Variants in ARID2 observed in about 807,000 individuals in gnomAD.
The protein encoded by ARID2 is AT-rich interaction domain 2.
In ARID2, 32 loss-of-function variants were observed where a neutral mutation model predicts 184.6. The observed-to-expected ratio is 0.17, with a 90% CI of 0.13 to 0.23. The LOEUF is 0.23. Among genes scored for constraint, ARID2 ranks in the 10% least tolerant of loss-of-function variants. The probability of loss-of-function intolerance (pLI) is 1.00; values close to 1 mark genes in which losing one functional copy is unlikely to be tolerated. For synonymous variants in ARID2, 836 were observed against 772.6 expected (o/e 1.08, Z -1.36); for missense variants, 1,696 against 2,197.6 (o/e 0.77, Z 4.56).
chr12:45,760,820 T>C (rs1417881339), intron 3 of ARID2, among the ~76,000 whole-genome samples: 1 of 152,076 alleles, frequency 6.6e-6, no homozygotes, highest in Non-Finnish European at 1.5e-5. Flanking sequence ...GATCCTGGTT[T>C]TATTTATTTA....
intron 16 of ARID2, among the ~76,000 whole-genome samples, chr12:45,890,456 A>G (rs1944283107): frequency 6.6e-6 from 1 of 152,212 alleles, no homozygotes; most frequent in African/African-American, 2.4e-5. Context: ...AATAGTATTT[A>G]GGTAATGTCT....
chr12:45,801,416 A>C (rs928820825), intron 3 of ARID2, among the ~76,000 whole-genome samples: 3 of 152,208 alleles, frequency 2.0e-5, no homozygotes, highest in Non-Finnish European at 4.4e-5. Context: ...TTGAAAAGGA[A>C]CAGGATATTT....
intron 3 of ARID2, among the ~76,000 whole-genome samples, chr12:45,744,385 C>CT (rs564561600): frequency 1.8e-3 from 276 of 151,694 alleles, no homozygotes; most frequent in Non-Finnish European, 2.1e-3. Context: ...AGTTTAGTAT[C>CT]TTTTTTTTAA....
chr12:45,897,783 A>T (rs1329905634), intron 20 of ARID2, among the ~76,000 whole-genome samples: 1 of 152,218 alleles, frequency 6.6e-6, no homozygotes, highest in Non-Finnish European at 1.5e-5. Flanking sequence ...TTACAAAGGA[A>T]AAAACAATTT....
chr12:45,734,080 A>T (rs1349991927), intron 3 of ARID2, among the ~76,000 whole-genome samples: 3 of 152,258 alleles, frequency 2.0e-5, no homozygotes, highest in Non-Finnish European at 4.4e-5. Context: ...TCTATTTAAA[A>T]ATTGGAGGCC....
At chr12:45,873,088 C>G (rs929039560) in intron 16 of ARID2, among the ~76,000 whole-genome samples, 1 of 152,178 alleles carries the variant, frequency 6.6e-6, no homozygotes, top group Non-Finnish European at 1.5e-5. Flanking sequence ...GCTATATCTT[C>G]TTGGAGAAGA....
chr12:45,875,329 G>A (rs1043291739), intron 16 of ARID2, among the ~76,000 whole-genome samples: 1 of 152,186 alleles, frequency 6.6e-6, no homozygotes, highest in Non-Finnish European at 1.5e-5. Context: ...AAAATACTCA[G>A]TAAACCATGC....
chr12:45,736,848 C>G (rs188243356), intron 3 of ARID2, among the ~76,000 whole-genome samples: 2 of 152,238 alleles, frequency 1.3e-5, no homozygotes, highest in African/African-American at 2.4e-5. Context: ...TTGTGGATCT[C>G]TAGACATTTT....
chr12:45,743,999 T>A (rs1027197158), intron 3 of ARID2, among the ~76,000 whole-genome samples: 4 of 145,834 alleles, frequency 2.7e-5, no homozygotes, highest in African/African-American at 9.8e-5. Context: ...TTATGATTGA[T>A]TTTTTTTTCT....
At chr12:45,786,090 CT>C (rs1398782699) in intron 3 of ARID2, among the ~76,000 whole-genome samples, 1 of 152,106 alleles carries the variant, frequency 6.6e-6, no homozygotes, top group Non-Finnish European at 1.5e-5. Flanking sequence ...CTCTAAGGGA[CT>C]GAAAGTTACA....
chr12:45,784,149 C>T (rs945441381), intron 3 of ARID2, among the ~76,000 whole-genome samples: 1 of 152,000 alleles, frequency 6.6e-6, no homozygotes, highest in Non-Finnish European at 1.5e-5. Flanking sequence ...GCTGCTGTAC[C>T]TGGCTAATTT....
At chr12:45,791,704 C>T (rs1248812393) in intron 3 of ARID2, among the ~76,000 whole-genome samples, 1 of 152,174 alleles carries the variant, frequency 6.6e-6, no homozygotes, top group Non-Finnish European at 1.5e-5. Context: ...AGGTGATCCT[C>T]CCACTGCAGC....
At chr12:45,750,769 A>G (rs1473784330) in intron 3 of ARID2, among the ~76,000 whole-genome samples, 2 of 152,224 alleles carry the variant, frequency 1.3e-5, no homozygotes, top group Non-Finnish European at 1.5e-5. Context: ...GCCAGGTACT[A>G]TGCTCAGCCT....
At chr12:45,801,607 T>C (rs1440999406) in intron 3 of ARID2, among the ~76,000 whole-genome samples, 1 of 152,226 alleles carries the variant, frequency 6.6e-6, no homozygotes, top group African/African-American at 2.4e-5. Flanking sequence ...TTCACATCTG[T>C]AGTATTCCTT....
At chr12:45,865,336 G>A (rs901207883) in intron 16 of ARID2, among the ~76,000 whole-genome samples, 2 of 151,958 alleles carry the variant, frequency 1.3e-5, no homozygotes, top group African/African-American at 4.8e-5. Flanking sequence ...AAAAAATGTT[G>A]TCTGCTGTGG....
chr12:45,744,979 G>A (rs958246797), intron 3 of ARID2, among the ~76,000 whole-genome samples: 1 of 152,166 alleles, frequency 6.6e-6, no homozygotes, highest in South Asian at 2.1e-4. Context: ...TAGCTTAAAT[G>A]TGTGTGTTTG....
chr12:45,761,682 C>T (rs1264573557), intron 3 of ARID2, among the ~76,000 whole-genome samples: 1 of 152,002 alleles, frequency 6.6e-6, no homozygotes, highest in African/African-American at 2.4e-5. Flanking sequence ...CATTTTACTC[C>T]AGTACATTTA....
chr12:45,788,613 T>C (rs1051868386), intron 3 of ARID2, among the ~76,000 whole-genome samples: 2 of 152,170 alleles, frequency 1.3e-5, no homozygotes, highest in Non-Finnish European at 2.9e-5. Flanking sequence ...ACCCAGGATA[T>C]GGGAGTTTAT....
intron 3 of ARID2, among the ~76,000 whole-genome samples, chr12:45,781,620 G>GCTTCA (rs988885799): frequency 6.6e-6 from 1 of 151,672 alleles, no homozygotes; most frequent in Non-Finnish European, 1.5e-5. Flanking sequence ...GGTTTGAAGG[G>GCTTCA]CTTCACCATA....
Sources: gnomAD v4.1 joint callset for allele counts (sites outside exome capture counted in the v4.1 genomes callset) on GRCh38, gnomAD v4.1.1 for gene constraint, MANE v1.5 for transcripts, NCBI Gene and HGNC (gene_info 2026-07-23, HGNC 2026-07-21) for gene names.